The following TBC1D22A variants were observed in gnomAD, a reference collection of about 807,000 sequenced individuals.
TBC1D22A encodes the protein putative GTPase activator.
A neutral mutation model predicts 60.2 loss-of-function variants in TBC1D22A; 38 were observed. The ratio of observed to expected loss-of-function variants is 0.63; its 90% CI spans 0.49 to 0.83. The LOEUF (loss-of-function observed/expected upper bound fraction) is 0.83. Among genes scored for constraint, TBC1D22A ranks in the 40% least tolerant of loss-of-function variants. TBC1D22A has a pLI of 0.00. For missense variants in TBC1D22A, 628 were observed against 701.0 expected (o/e 0.90, Z 1.18); for synonymous variants, 302 against 281.7 (o/e 1.07, Z -0.72).
chr22:46,785,888 C>T (rs899595035), intron 1 of TBC1D22A, among the ~76,000 whole-genome samples: 2 of 152,224 alleles, frequency 1.3e-5, no homozygotes, highest in African/African-American at 2.4e-5. Context: ...TCAAGTGATT[C>T]TCCTGCTTCA....
intron 8 of TBC1D22A, among the ~76,000 whole-genome samples, chr22:46,939,449 C>A (rs1029554697): frequency 2.6e-5 from 4 of 152,176 alleles, no homozygotes; most frequent in African/African-American, 9.7e-5. Flanking sequence ...GTGGACCATC[C>A]CCTTTTGTTA....
chr22:46,976,094 A>G (rs2074283423), intron 9 of TBC1D22A, among the ~76,000 whole-genome samples: 1 of 152,222 alleles, frequency 6.6e-6, no homozygotes, highest in Non-Finnish European at 1.5e-5. Flanking sequence ...GTAAAACTTT[A>G]TAAATTTCAA....
chr22:46,931,442 C>T (rs193214828), intron 8 of TBC1D22A, among the ~76,000 whole-genome samples: 1 of 152,214 alleles, frequency 6.6e-6, no homozygotes, highest in East Asian at 1.9e-4. Flanking sequence ...GGAAATAAAC[C>T]AACAAATACA....
chr22:46,995,782 G>A (rs1037141224), intron 9 of TBC1D22A, among the ~76,000 whole-genome samples: 4 of 152,068 alleles, frequency 2.6e-5, no homozygotes, highest in South Asian at 2.1e-4. Context: ...CTGTGGCCGC[G>A]TCCCCTCACA....
chr22:46,837,867 C>A (rs1041927847), intron 4 of TBC1D22A, among the ~76,000 whole-genome samples: 4 of 152,266 alleles, frequency 2.6e-5, no homozygotes, highest in South Asian at 2.1e-4. Flanking sequence ...TCAAGACCAG[C>A]CTGGCCAAGA....
intron 11 of TBC1D22A, among the ~76,000 whole-genome samples, chr22:47,043,440 T>C (rs1205866136): frequency 6.6e-6 from 1 of 152,092 alleles, no homozygotes; most frequent in African/African-American, 2.4e-5. Context: ...AGACATAGCA[T>C]GGTCAGGAAA....
At chr22:47,141,749 G>A (rs2067094033) in intron 12 of TBC1D22A, among the ~76,000 whole-genome samples, 1 of 151,824 alleles carries the variant, frequency 6.6e-6, no homozygotes, top group Admixed American at 6.6e-5. Context: ...CAGAAAGGTG[G>A]GAAGAAGGAA....
chr22:47,072,058 A>G (rs952773465), intron 11 of TBC1D22A, among the ~76,000 whole-genome samples: 2 of 151,152 alleles, frequency 1.3e-5, no homozygotes, highest in African/African-American at 4.9e-5. Context: ...TTCATTTGTC[A>G]TGAATACTCA....
chr22:46,765,125 G>A (rs2083239670), intron 1 of TBC1D22A, among the ~76,000 whole-genome samples: 1 of 152,316 alleles, frequency 6.6e-6, no homozygotes, highest in African/African-American at 2.4e-5. Context: ...TTGGAGTCTT[G>A]GAGAGTTCGA....
intron 10 of TBC1D22A, among the ~76,000 whole-genome samples, chr22:47,006,736 C>T (rs1351764860): frequency 1.3e-5 from 2 of 152,250 alleles, no homozygotes; most frequent in Non-Finnish European, 1.5e-5. Context: ...TGTGACACCA[C>T]AGCCAGGACT....
At chr22:46,851,071 T>C (rs1276134730) in intron 4 of TBC1D22A, among the ~76,000 whole-genome samples, 1 of 152,000 alleles carries the variant, frequency 6.6e-6, no homozygotes, top group East Asian at 1.9e-4. Flanking sequence ...ATGTCGGTGG[T>C]AAGGGTCGCA....
chr22:46,768,557 G>A lies in TBC1D22A; in HGVS notation c.62+5709G>A, dbSNP rs567298487. 3.4e-4 allele frequency among the ~76,000 whole-genome samples: 52 copies of A among 151,682 alleles called. No homozygotes were observed. In the East Asian group the frequency reaches 5.6e-3, roughly 16 times the overall value. ...TGACTGTCTGGGCTGGTTCTTTCCC[G>A]GGCCGCTGACTCTCTTGGCTCCCGA... On this transcript the variant is annotated intron_variant, in intron 1 of 12. Coordinates refer to ENST00000337137, the MANE Select transcript of TBC1D22A (RefSeq NM_014346.5).
At chr22:47,096,955 G>A (rs1488445440) in intron 11 of TBC1D22A, among the ~76,000 whole-genome samples, 1 of 152,252 alleles carries the variant, frequency 6.6e-6, no homozygotes, top group Admixed American at 6.5e-5. Flanking sequence ...TCTTCCACGT[G>A]GATAGCCAGT....
chr22:46,958,987 CCTT>C (rs563839108), intron 8 of TBC1D22A, among the ~76,000 whole-genome samples: 23 of 152,280 alleles, frequency 1.5e-4, no homozygotes, highest in African/African-American at 4.3e-4. Context: ...GGGAAGCTCT[CCTT>C]CTAATTCAGT....
At chr22:47,038,302 G>A (rs1487234952) in intron 11 of TBC1D22A, among the ~76,000 whole-genome samples, 1 of 152,224 alleles carries the variant, frequency 6.6e-6, no homozygotes, top group East Asian at 1.9e-4. Context: ...TTGCAGGGGG[G>A]CAGCTGCCCT....
At chr22:47,122,648 A>C (rs2066309051) in intron 12 of TBC1D22A, among the ~76,000 whole-genome samples, 2 of 152,236 alleles carry the variant, frequency 1.3e-5, no homozygotes, top group African/African-American at 4.8e-5. Context: ...GGAGATAAGC[A>C]ATAAAGACAT....
intron 12 of TBC1D22A, among the ~76,000 whole-genome samples, chr22:47,117,997 C>T (rs2066130999): frequency 6.6e-6 from 1 of 152,058 alleles, no homozygotes; most frequent in Non-Finnish European, 1.5e-5. Flanking sequence ...CTGGTGGGCG[C>T]CTATAATCCC....
chr22:47,060,472 C>T (rs2063534954), intron 11 of TBC1D22A, among the ~76,000 whole-genome samples: 1 of 152,104 alleles, frequency 6.6e-6, no homozygotes, highest in South Asian at 2.1e-4. Context: ...GCTCTGTAGC[C>T]CAGGCTAGAG....
At chr22:46,803,147 C>T (rs1276785646) in intron 4 of TBC1D22A, among the ~76,000 whole-genome samples, 1 of 151,934 alleles carries the variant, frequency 6.6e-6, no homozygotes, top group Non-Finnish European at 1.5e-5. Context: ...ACTGTGTTAT[C>T]AGCCACCAAA....
Sources: gnomAD v4.1 joint callset for allele counts (sites outside exome capture counted in the v4.1 genomes callset) on GRCh38, gnomAD v4.1.1 for gene constraint, MANE v1.5 for transcripts, NCBI Gene and HGNC (gene_info 2026-07-23, HGNC 2026-07-21) for gene names.